Variants in CCNY observed in about 807,000 individuals in gnomAD.
CCNY encodes the protein cyclin Y, also known as cyclin-Y.
A neutral mutation model predicts 42.8 loss-of-function variants in CCNY; 19 were observed. The observed-to-expected ratio is 0.44, with a 90% CI of 0.31 to 0.65. The LOEUF is 0.65. Among genes scored for constraint, CCNY ranks in the 30% least tolerant of loss-of-function variants. The pLI, the probability that CCNY is intolerant of heterozygous loss-of-function variation, is 0.07. For missense variants in CCNY, 370 were observed against 437.3 expected (o/e 0.85, Z 1.37); for synonymous variants, 165 against 162.7 (o/e 1.01, Z -0.11).
intron 2 of CCNY, among the ~76,000 whole-genome samples, chr10:35,248,667 A>G (rs2095709826): frequency 6.6e-6 from 1 of 151,098 alleles, no homozygotes; most frequent in South Asian, 2.1e-4. Context: ...AGAAAGAAAG[A>G]AAAGAAAAGA....
chr10:35,253,132 G>T (rs984632621), intron 3 of CCNY, among the ~76,000 whole-genome samples: 1 of 152,156 alleles, frequency 6.6e-6, no homozygotes, highest in African/African-American at 2.4e-5. Context: ...ACATGATAGA[G>T]TCAAATATTT....
chr10:35,329,684 G>A (rs963472490), intron 3 of CCNY, among the ~76,000 whole-genome samples: 1 of 152,194 alleles, frequency 6.6e-6, no homozygotes, highest in African/African-American at 2.4e-5. Context: ...CAGAGGTGGG[G>A]AGGAATGGTG....
chr10:35,514,254 A>G (rs1313311999), intron 3 of CCNY, among the ~76,000 whole-genome samples: 1 of 152,140 alleles, frequency 6.6e-6, no homozygotes, highest in Non-Finnish European at 1.5e-5. Context: ...TGGTCTTTAG[A>G]GTGTTGAGAT....
chr10:35,559,060 A>C (rs1841414591), intron 8 of CCNY, among the ~76,000 whole-genome samples: 1 of 152,226 alleles, frequency 6.6e-6, no homozygotes, highest in African/African-American at 2.4e-5. Context: ...GTGGGCATTA[A>C]AGGTGATTCT....
At chr10:35,548,664 C>T (rs1001773010) in intron 7 of CCNY, among the ~76,000 whole-genome samples, 7 of 151,560 alleles carry the variant, frequency 4.6e-5, no homozygotes, top group African/African-American at 1.7e-4. Flanking sequence ...TGGTTGTTTT[C>T]GCGTTGAGTA....
intron 1 of CCNY, among the ~76,000 whole-genome samples, chr10:35,338,818 A>G (rs529030944): frequency 6.6e-6 from 1 of 152,312 alleles, no homozygotes; most frequent in East Asian, 1.9e-4. Flanking sequence ...AAAAAAGAAG[A>G]TTTACATTTC....
chr10:35,262,322 C>CATTTTATTTTATTTT (rs144902785), intron 3 of CCNY, among the ~76,000 whole-genome samples: 10,328 of 110,296 alleles, frequency 0.094, 721 homozygotes, highest in East Asian at 0.14. Flanking sequence ...CAACATGAGT[C>CATTTTATTTTATTTT]ATTTTATTTT....
intron 1 of CCNY, among the ~76,000 whole-genome samples, chr10:35,396,957 C>T (rs1380594885): frequency 2.6e-5 from 4 of 152,152 alleles, no homozygotes; most frequent in Non-Finnish European, 5.9e-5. Context: ...ATTCAAAGTA[C>T]TGGAGAGAGA....
intron 2 of CCNY, among the ~76,000 whole-genome samples, chr10:35,484,786 G>T (rs1839749495): frequency 1.3e-5 from 2 of 152,188 alleles, no homozygotes; most frequent in Admixed American, 6.5e-5. Context: ...CTTACTTTCG[G>T]GTTTCATTCT....
At chr10:35,344,373 G>T (rs1589047997) in intron 1 of CCNY, among the ~76,000 whole-genome samples, 1 of 151,742 alleles carries the variant, frequency 6.6e-6, no homozygotes, top group East Asian at 2.0e-4. Context: ...TTCCTCTTCT[G>T]CTTAAAAAAA....
intron 1 of CCNY, among the ~76,000 whole-genome samples, chr10:35,452,770 T>TAAAAAAAAAA (rs35849411): frequency 7.8e-5 from 9 of 115,900 alleles, no homozygotes; most frequent in African/African-American, 1.2e-4. Flanking sequence ...TATAGAAAAG[T>TAAAAAAAAAA]AAAAAAAAAA....
intron 1 of CCNY, among the ~76,000 whole-genome samples, chr10:35,410,074 A>G (rs1232634118): frequency 2.0e-5 from 3 of 152,198 alleles, no homozygotes; most frequent in African/African-American, 7.2e-5. Flanking sequence ...CTTAGATGGT[A>G]CAGAAAAGCA....
intron 1 of CCNY, among the ~76,000 whole-genome samples, chr10:35,247,703 C>T (rs1417772089): frequency 9.2e-5 from 14 of 151,380 alleles, no homozygotes; most frequent in Admixed American, 8.6e-4. Context: ...GGTGAAACCC[C>T]GTCTCTACTA....
At chr10:35,516,660 CCTTT>C in intron 4 of CCNY, 37 bp downstream of exon 4, 6 of 533,886 alleles carry the variant, frequency 1.1e-5, no homozygotes, top group South Asian at 9.0e-5. Flanking sequence ...TTCCTTCCTT[CCTTT>C]TTTTTTTTTT....
At chr10:35,477,159 A>T (rs1383109112) in intron 1 of CCNY, among the ~76,000 whole-genome samples, 2 of 152,144 alleles carry the variant, frequency 1.3e-5, no homozygotes, top group South Asian at 2.1e-4. Flanking sequence ...CTTACCAACC[A>T]AAAAGAGTCC....
At chr10:35,352,993 A>T (rs1010362294) in intron 1 of CCNY, among the ~76,000 whole-genome samples, 3 of 152,172 alleles carry the variant, frequency 2.0e-5, no homozygotes, top group African/African-American at 7.2e-5. Context: ...TGGTGAGATC[A>T]TAGCTCACTG....
At chr10:35,334,853 T>C (rs1030181784), upstream of CCNY, among the ~76,000 whole-genome samples, 8 of 152,242 alleles carry the variant, frequency 5.3e-5, no homozygotes, top group African/African-American at 1.7e-4. Context: ...TGTCCACACA[T>C]TGCTGATGCT....
intron 3 of CCNY, among the ~76,000 whole-genome samples, chr10:35,252,565 CAAAAAAAAAAA>C (rs755376669): frequency 6.5e-4 from 14 of 21,544 alleles, no homozygotes; most frequent in East Asian, 3.9e-3. Flanking sequence ...GACTCCGTCT[CAAAAAAAAAAA>C]AAAAAAAAAA....
chr10:35,414,603 G>A (rs970671948), intron 1 of CCNY, among the ~76,000 whole-genome samples: 5 of 152,326 alleles, frequency 3.3e-5, no homozygotes, highest in Admixed American at 2.0e-4. Context: ...ACCAGGAGGC[G>A]GGAATCATTG....
Sources: allele counts gnomAD v4.1 joint callset (sites outside exome capture counted in the v4.1 genomes callset), GRCh38; gene constraint gnomAD v4.1.1; transcripts MANE v1.5; gene names NCBI Gene and HGNC (gene_info 2026-07-23, HGNC 2026-07-21).